The following SHROOM3 variants were observed in gnomAD, a reference collection of about 807,000 sequenced individuals.
The protein encoded by SHROOM3 is shroom family member 3, also known as protein Shroom3.
In SHROOM3, 47 loss-of-function variants were observed where a neutral mutation model predicts 138.6. The ratio of observed to expected loss-of-function variants is 0.34; its 90% CI spans 0.27 to 0.43. The LOEUF is 0.43. SHROOM3 is among the 20% of genes least tolerant of loss of function. The pLI is 1.00. For missense variants in SHROOM3, 2,491 were observed against 2,596.5 expected, an observed-to-expected ratio of 0.96 and a Z score of 0.88; for synonymous variants, 1,062 against 1,063.3, an observed-to-expected ratio of 1.00 and a Z score of 0.02.
chr4:76,682,940 T>A (rs1049558348), intron 2 of SHROOM3, among the ~76,000 whole-genome samples: 12 of 152,232 alleles, frequency 7.9e-5, no homozygotes, highest in African/African-American at 2.2e-4. Flanking sequence ...GTCAATGCAG[T>A]AATAGCTGAT....
chr4:76,749,229 C>T, intron 6 of SHROOM3, 139 bp downstream of exon 6: 2 of 637,008 alleles, frequency 3.1e-6, no homozygotes, highest in Admixed American at 3.0e-5. Context: ...CCATGGATAA[C>T]TTTTTTTTTT....
intron 1 of SHROOM3, among the ~76,000 whole-genome samples, chr4:76,462,131 G>A (rs1008020234): frequency 6.6e-6 from 1 of 152,160 alleles, no homozygotes; most frequent in Non-Finnish European, 1.5e-5. Context: ...GCTCACACCT[G>A]TAATCTCAGC....
chr4:76,547,035 G>A (rs1328931112), intron 1 of SHROOM3, among the ~76,000 whole-genome samples: 3 of 152,304 alleles, frequency 2.0e-5, no homozygotes, highest in East Asian at 1.9e-4. Context: ...CTGCTCCACC[G>A]GCAGTGCGTG....
At chr4:76,459,137 A>C (rs181327512) in intron 1 of SHROOM3, among the ~76,000 whole-genome samples, 429 of 152,244 alleles carry the variant, frequency 2.8e-3, no homozygotes, top group African/African-American at 9.8e-3. Flanking sequence ...TTTTTCCTAC[A>C]TTTGATTATA....
At chr4:76,548,312 G>A (rs1470706255) in intron 1 of SHROOM3, among the ~76,000 whole-genome samples, 2 of 152,166 alleles carry the variant, frequency 1.3e-5, no homozygotes, top group East Asian at 1.9e-4. Flanking sequence ...AGGGAGGACT[G>A]CGGTTTCTCT....
intron 9 of SHROOM3, among the ~76,000 whole-genome samples, chr4:76,768,948 G>A (rs1176442183): frequency 3.3e-5 from 5 of 152,168 alleles, no homozygotes; most frequent in Non-Finnish European, 1.5e-5. Flanking sequence ...AAGTACCTCT[G>A]ATGGTCCGAC....
intron 1 of SHROOM3, among the ~76,000 whole-genome samples, chr4:76,522,457 C>T (rs1254697459): frequency 6.6e-6 from 1 of 151,972 alleles, no homozygotes; most frequent in African/African-American, 2.4e-5. Flanking sequence ...GTGCCTAGGG[C>T]ACTGTTCTCA....
At chr4:76,554,716 G>A (rs1004956577) in intron 1 of SHROOM3, among the ~76,000 whole-genome samples, 2 of 152,058 alleles carry the variant, frequency 1.3e-5, no homozygotes, top group Non-Finnish European at 2.9e-5. Flanking sequence ...CACCGTACCC[G>A]GCCAGAGGAA....
At chr4:76,692,158 T>C (rs1719571824) in intron 2 of SHROOM3, among the ~76,000 whole-genome samples, 1 of 152,220 alleles carries the variant, frequency 6.6e-6, no homozygotes, top group Non-Finnish European at 1.5e-5. Context: ...GCCTGGTGGC[T>C]GGGCAGTCTT....
chr4:76,491,139 G>A (rs1731841335), intron 1 of SHROOM3, among the ~76,000 whole-genome samples: 2 of 152,198 alleles, frequency 1.3e-5, no homozygotes, highest in Non-Finnish European at 2.9e-5. Context: ...CAAAAGGAGA[G>A]GCAAGATGGA....
intron 2 of SHROOM3, among the ~76,000 whole-genome samples, chr4:76,625,028 C>T (rs1330404576): frequency 6.6e-6 from 1 of 152,010 alleles, no homozygotes; most frequent in Non-Finnish European, 1.5e-5. Flanking sequence ...AATTCAAGTA[C>T]CCTTGAATTG....
intron 1 of SHROOM3, among the ~76,000 whole-genome samples, chr4:76,471,356 G>A (rs1050756439): frequency 2.0e-5 from 3 of 150,930 alleles, no homozygotes; most frequent in Admixed American, 6.6e-5. Flanking sequence ...TGATTCTCCT[G>A]CCTCAGCCTC....
Position 76,740,894 on chromosome 4 carries a change from G to A in SHROOM3, c.2721G>A (p.Arg907=), listed in dbSNP as rs1355971013. The A allele has an allele frequency of 4.0e-6, 6 of 1,509,342 alleles. No homozygotes were observed. Among genetic ancestry groups the A allele is most frequent in the Middle Eastern group, 1.8e-4 (1 of 5,638 alleles). 93.5% of individuals were successfully genotyped at this position (1,509,342 alleles called of 1,614,324 possible). The change falls in exon 5 of 11, where the codon AGG becomes AGA. Residue 907 remains arginine, a synonymous_variant. Coordinates refer to ENST00000296043, the MANE Select transcript of SHROOM3 (RefSeq NM_020859.4). This position sits in a 1 kb window ranked among gnomAD's most constrained non-coding sequence, Gnocchi z 4.0. ...EPEREPEWRD[R]PGSPESPLLD... ...AGAGGGAGCCCGAGTGGCGGGACAGGCCCGGCTCGCCCGAATCGCCCCTGC... is the reference window on the plus strand; with the variant it reads ...AGAGGGAGCCCGAGTGGCGGGACAGACCCGGCTCGCCCGAATCGCCCCTGC...
intron 2 of SHROOM3, chr4:76,586,482 T>C (rs1315432940): frequency 5.6e-5 from 55 of 984,084 alleles, no homozygotes; most frequent in Non-Finnish European, 6.4e-5. Context: ...AAGTCCATTT[T>C]AAACCAACGA....
At chr4:76,745,286 G>T (rs1223026352) in intron 5 of SHROOM3, among the ~76,000 whole-genome samples, 1 of 152,184 alleles carries the variant, frequency 6.6e-6, no homozygotes, top group Non-Finnish European at 1.5e-5. Context: ...TCTGTTCATT[G>T]CATAGATTTA....
chr4:76,471,344 A>G (rs980281112), intron 1 of SHROOM3, among the ~76,000 whole-genome samples: 1 of 151,778 alleles, frequency 6.6e-6, no homozygotes, highest in Admixed American at 6.6e-5. Flanking sequence ...CCCGACTTCA[A>G]GTGATTCTCC....
In SHROOM3 at chr4:76,778,757, T is replaced by C. The variant is rs1329695422; in HGVS notation, c.5623-52T>C. On this transcript the variant is annotated intron_variant, in intron 10 of 10. Transcript: ENST00000296043. ...GAGGTGTCCTTGCAGGGAGTCTGGCTCTTTTCTCCCTTTCCCTGGCCTTCA... is the reference window on the plus strand; with the variant it reads ...GAGGTGTCCTTGCAGGGAGTCTGGCCCTTTTCTCCCTTTCCCTGGCCTTCA... 4 of 1,611,290 alleles carry C rather than the reference T, an allele frequency of 2.5e-6. No individual in the cohort carries two copies. In the East Asian group the frequency reaches 8.9e-5, roughly 36 times the overall value.
At chr4:76,717,878 A>G (rs1442210806) in intron 3 of SHROOM3, among the ~76,000 whole-genome samples, 2 of 152,222 alleles carry the variant, frequency 1.3e-5, no homozygotes, top group African/African-American at 2.4e-5. Context: ...CTCCATCACA[A>G]TTGAAGATTT....
At chr4:76,735,297 T>G (rs1721001626) in intron 4 of SHROOM3, among the ~76,000 whole-genome samples, 1 of 152,084 alleles carries the variant, frequency 6.6e-6, no homozygotes, top group Non-Finnish European at 1.5e-5. Flanking sequence ...AAATGAGTAT[T>G]TCCAGACAGC....
Sources: allele counts gnomAD v4.1 joint callset (sites outside exome capture counted in the v4.1 genomes callset), GRCh38; gene constraint gnomAD v4.1.1; non-coding constraint Gnocchi (gnomAD v3.1); transcripts MANE v1.5; gene names NCBI Gene and HGNC (gene_info 2026-07-23, HGNC 2026-07-21).